Variants in TANC1 observed in about 807,000 individuals in gnomAD.
The protein encoded by TANC1 is protein TANC1.
A neutral mutation model predicts 149.7 loss-of-function variants in TANC1; 77 were observed. That is an observed-to-expected ratio of 0.51 (90% confidence interval 0.43 to 0.62). The LOEUF (loss-of-function observed/expected upper bound fraction) is 0.62. Among genes scored for constraint, TANC1 ranks in the 20% least tolerant of loss-of-function variants. The pLI, the probability that TANC1 is intolerant of heterozygous loss-of-function variation, is 0.00. For missense variants in TANC1, 1,985 were observed against 2,321.8 expected (o/e 0.85, Z 2.98); for synonymous variants, 854 against 925.0 (o/e 0.92, Z 1.39).
intron 2 of TANC1, among the ~76,000 whole-genome samples, chr2:159,053,645 C>T (rs969026090): frequency 3.9e-5 from 6 of 152,168 alleles, no homozygotes; most frequent in East Asian, 1.9e-4. Flanking sequence ...ATCCTGTCAC[C>T]GTGTAACAAG....
intron 2 of TANC1, among the ~76,000 whole-genome samples, chr2:159,063,322 A>G (rs947967850): frequency 6.6e-6 from 1 of 152,144 alleles, no homozygotes; most frequent in Non-Finnish European, 1.5e-5. Flanking sequence ...TACTGTCATT[A>G]TTGGCCCCTA....
At chr2:159,170,872 C>T (rs2055125645) in intron 10 of TANC1, 67 bp downstream of exon 10, 1 of 1,545,278 alleles carries the variant, frequency 6.5e-7, no homozygotes, top group East Asian at 2.3e-5. Flanking sequence ...TTGCTGTTCA[C>T]ATAGACATAA....
chr2:159,217,565 G>A lies in TANC1; in HGVS notation c.3313G>A (p.Val1105Met), dbSNP rs1559477621. 3 of 1,614,276 alleles carry A rather than the reference G, an allele frequency of 1.9e-6. No homozygotes were observed. Among genetic ancestry groups the A allele is most frequent in the Middle Eastern group, 1.6e-4 (1 of 6,062 alleles). Residue 1105 changes from valine to methionine, a missense_variant, in exon 20 of 27, where the codon GTG becomes ATG. By Grantham distance (21) the Val-to-Met change is conservative. Around this residue, in one of 3 missense-constraint regions of TANC1, gnomAD observed 920 missense variants for 994.7 expected, o/e 0.92. Coordinates refer to ENST00000263635, the MANE Select transcript of TANC1 (RefSeq NM_033394.3). ...CELLLGHGAA[V>M]SRTNRRGVPP... is the part of the protein sequence containing the mutation. The stretch of plus-strand genomic sequence containing the variant: ...GCTGCTGCTGGGGCATGGAGCTGCT[G>A]TGTCGCGGACAAACAGGAGAGGGGT...
intron 3 of TANC1, among the ~76,000 whole-genome samples, chr2:159,075,727 G>A (rs1249068866): frequency 6.6e-6 from 1 of 151,572 alleles, no homozygotes; most frequent in Non-Finnish European, 1.5e-5. Flanking sequence ...ATGTACCATG[G>A]TTTTATTTGG....
At chr2:159,081,953 T>A (rs115094078) in intron 3 of TANC1, among the ~76,000 whole-genome samples, 7,662 of 152,316 alleles carry the variant, frequency 0.05, 614 homozygotes, top group African/African-American at 0.17. Flanking sequence ...GCCCACTCGA[T>A]CAGGGTGCTC....
chr2:159,000,270 A>G (rs1398371469), intron 1 of TANC1, among the ~76,000 whole-genome samples: 1 of 152,060 alleles, frequency 6.6e-6, no homozygotes, highest in Non-Finnish European at 1.5e-5. Flanking sequence ...AAGCCGAGGC[A>G]GGTGCATGTG....
intron 16 of TANC1, 35 bp from the exon 17 acceptor site, chr2:159,194,222 A>C (rs2057684727): frequency 1.3e-6 from 2 of 1,547,714 alleles, no homozygotes; most frequent in African/African-American, 1.4e-5. Flanking sequence ...GATGACATAC[A>C]TGTGACAATC....
At chr2:159,157,142 A>G (rs2053525320) in intron 7 of TANC1, among the ~76,000 whole-genome samples, 1 of 152,200 alleles carries the variant, frequency 6.6e-6, no homozygotes. Flanking sequence ...TTGCAGAAGG[A>G]GAAGCCAGAA....
intron 2 of TANC1, among the ~76,000 whole-genome samples, chr2:159,024,392 A>C (rs1425296974): frequency 6.6e-6 from 1 of 152,160 alleles, no homozygotes; most frequent in East Asian, 1.9e-4. Context: ...TCACTGACCC[A>C]CCCAGAGCAA....
chr2:159,062,973 CAAAAAAAAA>C (rs58675911), intron 2 of TANC1, among the ~76,000 whole-genome samples: 2 of 41,216 alleles, frequency 4.9e-5, no homozygotes, highest in Non-Finnish European at 5.4e-5. Flanking sequence ...GACTCCGTCT[CAAAAAAAAA>C]AAAAAAAAAA....
chr2:159,083,372 A>G (rs2044485803), intron 3 of TANC1, among the ~76,000 whole-genome samples: 3 of 151,474 alleles, frequency 2.0e-5, no homozygotes, highest in Admixed American at 6.6e-5. Context: ...GTTGTATGTG[A>G]CTTTAAAAAC....
chr2:158,998,602 C>T (rs1049745025), intron 1 of TANC1, among the ~76,000 whole-genome samples: 1 of 152,170 alleles, frequency 6.6e-6, no homozygotes, highest in African/African-American at 2.4e-5. Context: ...GAGGTGAGCA[C>T]AGATGTGTGT....
At chr2:159,200,158 C>A (rs950713767) in intron 19 of TANC1, among the ~76,000 whole-genome samples, 2 of 152,216 alleles carry the variant, frequency 1.3e-5, no homozygotes, top group African/African-American at 2.4e-5. Flanking sequence ...AAGTTTCCAT[C>A]ACATTCCAAA....
chr2:159,194,182 G>A, intron 16 of TANC1, 75 bp from the exon 17 acceptor site: 5 of 1,184,442 alleles, frequency 4.2e-6, no homozygotes, highest in Non-Finnish European at 6.3e-6. Context: ...ACCGAAAATT[G>A]AGGATACTGC....
At chr2:159,180,661 G>A (rs756531355) in intron 14 of TANC1, among the ~76,000 whole-genome samples, 6 of 152,194 alleles carry the variant, frequency 3.9e-5, no homozygotes, top group Non-Finnish European at 7.3e-5. Context: ...TGGGTGGTGC[G>A]AGTTGTTGCC....
At chr2:159,125,589 T>C (rs7371431) in intron 4 of TANC1, among the ~76,000 whole-genome samples, 271 of 28,516 alleles carry the variant, frequency 9.5e-3, no homozygotes, top group African/African-American at 0.018. Flanking sequence ...CTCCCTCCCT[T>C]CCTTCCTTCC....
intron 4 of TANC1, among the ~76,000 whole-genome samples, chr2:159,099,634 C>G (rs1429846459): frequency 3.3e-5 from 5 of 152,094 alleles, no homozygotes; most frequent in Non-Finnish European, 7.4e-5. Flanking sequence ...AGCTAAGAAG[C>G]ATGCTACTAA....
intron 1 of TANC1, among the ~76,000 whole-genome samples, chr2:158,972,772 C>T (rs936458884): frequency 1.3e-5 from 2 of 152,108 alleles, no homozygotes; most frequent in Admixed American, 6.6e-5. Flanking sequence ...CTGAAATTGC[C>T]GCCATTTCCA....
At chr2:159,037,199 G>C (rs1040129355) in intron 2 of TANC1, among the ~76,000 whole-genome samples, 4 of 152,098 alleles carry the variant, frequency 2.6e-5, no homozygotes, top group Non-Finnish European at 5.9e-5. Flanking sequence ...CCCACTTTTT[G>C]ATGGGGTTGT....
Sources: gnomAD v4.1 joint callset for allele counts (sites outside exome capture counted in the v4.1 genomes callset) on GRCh38, gnomAD v4.1.1 for gene constraint, gnomAD v4.1.1 regional missense constraint, MANE v1.5 for transcripts, NCBI Gene and HGNC (gene_info 2026-07-23, HGNC 2026-07-21) for gene names.